Variants in ATF6B observed in about 807,000 individuals in gnomAD.
The protein encoded by ATF6B is activating transcription factor 6 beta.
ATF6B carries 50 observed loss-of-function variants against 83.5 expected under a neutral mutation model. That is an observed-to-expected ratio of 0.60 (90% CI 0.48 to 0.76). ATF6B has a LOEUF of 0.76. ATF6B is among the 30% of genes least tolerant of loss of function. The pLI is 0.00. For synonymous variants in ATF6B, 344 were observed against 362.8 expected (o/e 0.95, Z 0.59); for missense variants, 790 against 893.8 (o/e 0.88, Z 1.48).
chr6:32,116,761 T>A lies in ATF6B; in HGVS notation c.1740A>T (p.Ala580=). The change falls in exon 16 of 18, where the codon GCA becomes GCT. Residue 580 remains alanine, a synonymous_variant. Transcript: ENST00000375203. This position sits in a 1 kb window ranked among gnomAD's most constrained non-coding sequence, Gnocchi z 5.1. The part of the protein sequence containing the change: ...LYRHPDRSQP[A]FLDAIDRRED... ...CCCGTCGGTCAATTGCATCCAAGAATGCTGGCTGCGAACGGTCTGGGTGGC... is the reference window on the plus strand; with the variant it reads ...CCCGTCGGTCAATTGCATCCAAGAAAGCTGGCTGCGAACGGTCTGGGTGGC... 6.2e-7 allele frequency: 1 copy of A among 1,614,130 alleles called. No homozygotes were observed. The highest frequency in any genetic ancestry group is 8.5e-7 in the Non-Finnish European group (1 of 1,180,022).
intron 5 of ATF6B, among the ~76,000 whole-genome samples, chr6:32,121,559 G>A (rs1043380195): frequency 2.0e-5 from 3 of 152,048 alleles, no homozygotes; most frequent in African/African-American, 7.2e-5. Context: ...AAAATTAGTC[G>A]GGCATGGTGG....
chr6:32,127,595 T>C lies in ATF6B; in HGVS notation c.172-75A>G, dbSNP rs1782037294. The C allele has an allele frequency of 2.5e-6, 4 of 1,610,774 alleles. No homozygotes were observed. The South Asian group carries it at 4.4e-5, about 18-fold the overall frequency. On this transcript the variant is annotated intron_variant, in intron 2 of 17. Coordinates refer to ENST00000375203, the MANE Select transcript of ATF6B (RefSeq NM_004381.5). The stretch of plus-strand genomic sequence containing the variant: ...AGTAGGGGTGACTCCAGATGAGTTA[T>C]GGCCTGTGAATGGGTCCAGGTTCTG...
Position 32,119,085 on chromosome 6 carries a change from C to G in ATF6B, c.1023G>C (p.Gln341His), listed in dbSNP as rs1781650260. 1.2e-6 allele frequency: 2 copies of G among 1,613,482 alleles called. No individual in the cohort carries two copies. The highest frequency in any genetic ancestry group is 2.2e-5 in the East Asian group (1 of 44,886). Residue 341 changes from glutamine (Q) to histidine (H), a missense_variant, in exon 10 of 18, where the codon CAG becomes CAC. Gln to His is a conservative substitution (Grantham distance 24, BLOSUM62 0). Transcript: ENST00000375203. The surrounding 1 kb of genome is among the most constrained non-coding windows in gnomAD (Gnocchi z 4.9). The stretch of plus-strand genomic sequence containing the variant: ...GATACTCTTTCTTCTTTCTCCGGGA[C>G]TGGCAGGCTGACTCCCGGTTCTTGA... ...RMIKNRESACQSRRKKKEYLQ... is the reference protein window; with the variant it reads ...RMIKNRESACHSRRKKKEYLQ...
rs755289912 is a variant in ATF6B, at chr6:32,127,105, C to T, written c.340G>A (p.Glu114Lys). The T allele has an allele frequency of 5.6e-6, 9 of 1,594,824 alleles. No individual in the cohort carries two copies. The highest frequency in any genetic ancestry group is 6.0e-6 in the Non-Finnish European group (7 of 1,170,758). ...TAAGAGGGATATGGCTCTCTCACCTCGCTGGATGGCTCTGTGGAGAGACGC... is the reference window on the plus strand; with the variant it reads ...TAAGAGGGATATGGCTCTCTCACCTTGCTGGATGGCTCTGTGGAGAGACGC... ...SSRLSTEPSSEALGVGEVLHV... is the reference protein window; with the variant it reads ...SSRLSTEPSSKALGVGEVLHV... Residue 114 changes from glutamate to lysine, a missense_variant and splice_region_variant, in exon 4 of 18, where the codon GAG becomes AAG. Physicochemically the swap from Glu to Lys is moderately conservative, Grantham distance 56. Around this residue, in one of 3 missense-constraint regions of ATF6B, gnomAD observed 253 missense variants for 243.1 expected, o/e 1.04. Transcript: ENST00000375203.
In ATF6B at chr6:32,128,211, T is replaced by TCTCCCC; in HGVS notation, c.-5_-4insGGGGAG. 1 of 1,536,886 alleles carries TCTCCCC rather than the reference T, an allele frequency of 6.5e-7. No individual in the cohort carries two copies. The highest frequency in any genetic ancestry group is 8.8e-7 in the Non-Finnish European group (1 of 1,131,490). ...TGAGCAGCATCAGCTCCGCCATCTT[T>TCTCCCC]CCCCCCCACCCCCCAACCAGGAGAC... On this transcript the variant is annotated 5_prime_UTR_variant, in exon 1 of 18. Transcript: ENST00000375203.
intron 8 of ATF6B, 145 bp downstream of exon 8, chr6:32,120,626 T>C: frequency 9.8e-7 from 1 of 1,024,292 alleles, no homozygotes; most frequent in Non-Finnish European, 1.3e-6. Flanking sequence ...AATTTTTGTA[T>C]TTTTAGTAGA....
Position 32,126,271 on chromosome 6 carries a change from G to A in ATF6B, c.343-19C>T. On this transcript the variant is annotated intron_variant, in intron 4 of 17. Coordinates refer to ENST00000375203, the MANE Select transcript of ATF6B (RefSeq NM_004381.5). ...CAAGAGCCTGGGTGAGAGTTGGTGTGGGGCAGGGGGCAGAAAGAAGGGCAA... is the reference window on the plus strand; with the variant it reads ...CAAGAGCCTGGGTGAGAGTTGGTGTAGGGCAGGGGGCAGAAAGAAGGGCAA... The A allele has an allele frequency of 2.5e-6, 4 of 1,611,304 alleles. No homozygotes were observed. The highest frequency in any genetic ancestry group is 3.4e-6 in the Non-Finnish European group (4 of 1,178,624).
Position 32,115,891 on chromosome 6 carries a change from C to T in ATF6B, c.1960G>A (p.Val654Met). ...ACTGTGGAGGTCTTGATGTGAATCA[C>T]CCTGGTGTCCATGACCTCACACTCG... ...QIECEVMDTR[V>M]IHIKTSTVPP... Residue 654 changes from valine (V) to methionine (M), a missense_variant, in exon 18 of 18, where the codon GTG becomes ATG. Physicochemically the swap from Val to Met is conservative, Grantham distance 21. This residue lies in a region of ATF6B where 530 missense variants were observed against 632.6 expected (regional missense o/e 0.84). Coordinates refer to ENST00000375203, the MANE Select transcript of ATF6B (RefSeq NM_004381.5). The T allele has an allele frequency of 6.2e-7, 1 of 1,614,158 alleles. No homozygotes were observed. Among genetic ancestry groups the T allele is most frequent in the Non-Finnish European group, 8.5e-7 (1 of 1,180,020 alleles).
At position 32,117,478 on chromosome 6, in the gene ATF6B, G is replaced by A; in HGVS notation, c.1533-74C>T. 12 of 1,595,844 alleles carry A rather than the reference G, an allele frequency of 7.5e-6. No homozygotes were observed. Among genetic ancestry groups the A allele is most frequent in the Non-Finnish European group, 9.4e-6 (11 of 1,167,102 alleles). On this transcript the variant is annotated intron_variant, in intron 13 of 17. Coordinates refer to ENST00000375203, the MANE Select transcript of ATF6B (RefSeq NM_004381.5). This position sits in a 1 kb window ranked among gnomAD's most constrained non-coding sequence, Gnocchi z 5.0. Reference sequence around the variant, plus strand: ...ACCCTCCTTGCCCACCCACAGGAGTGAGGAGAGGGCAGGGAGCACTGGCGC... The same window carrying A: ...ACCCTCCTTGCCCACCCACAGGAGTAAGGAGAGGGCAGGGAGCACTGGCGC...
Position 32,127,690 on chromosome 6 carries a change from C to G in ATF6B, c.152G>C (p.Cys51Ser). 6.2e-7 allele frequency: 1 copy of G among 1,614,178 alleles called. No homozygotes were observed. Among genetic ancestry groups the G allele is most frequent in the Non-Finnish European group, 8.5e-7 (1 of 1,180,022 alleles). Residue 51 changes from cysteine (C) to serine (S), a missense_variant, in exon 2 of 18, where the codon TGC (cysteine) becomes TCC (serine). By Grantham distance (112) the Cys-to-Ser change is moderately radical (BLOSUM62 -1). Coordinates refer to ENST00000375203, the MANE Select transcript of ATF6B (RefSeq NM_004381.5). ...CAATACCGGGACATCCTGCTCCGGG[C>G]AACGGAAGAGCTGCGTCTGCTCCTC... ...VAEEQTQLFR[C>S]PEQDVPFDGS...
In ATF6B at chr6:32,117,881, G is replaced by C. The variant is rs35104800; in HGVS notation, c.1402C>G (p.Pro468Ala). 2.4e-4 allele frequency: 381 copies of C among 1,572,126 alleles called. 3 individuals are homozygous for C. The highest frequency in any genetic ancestry group is 1.1e-3 in the Admixed American group (60 of 53,304). The change falls in exon 12 of 18, where the codon CCC becomes GCC. Residue 468 changes from proline (P) to alanine (A), a missense_variant. Transcript: ENST00000375203. This position sits in a 1 kb window ranked among gnomAD's most constrained non-coding sequence, Gnocchi z 5.0. ...CACCTGAAACTGGGCTGGTCTGTGGGGCTGGGCTGGGGCTCCTTAGGGCCC... is the reference window on the plus strand; with the variant it reads ...CACCTGAAACTGGGCTGGTCTGTGGCGCTGGGCTGGGGCTCCTTAGGGCCC... ...SQGPKEPQPSPTDQPSFSNLT... is the reference protein window; with the variant it reads ...SQGPKEPQPSATDQPSFSNLT...
In ATF6B at chr6:32,126,128, T is replaced by C. The variant is rs1781967693; in HGVS notation, c.467A>G (p.Asp156Gly). The C allele has an allele frequency of 6.2e-7, 1 of 1,614,150 alleles. No homozygotes were observed. The highest frequency in any genetic ancestry group is 8.5e-7 in the Non-Finnish European group (1 of 1,180,028). The change falls in exon 5 of 18, where the codon GAT (aspartate) becomes GGT (glycine). Residue 156 changes from aspartate (D) to glycine (G), a missense_variant. Coordinates refer to ENST00000375203, the MANE Select transcript of ATF6B (RefSeq NM_004381.5). The stretch of plus-strand genomic sequence containing the variant: ...GGCTGTTTTATTACCTGAGGAATCA[T>C]CAGAGGTGGGGATAACGTTGATCTG... ...TVQINVIPTS[D>G]DSSDVQTKIE...
chr6:32,127,061 G>C (rs1782008833), intron 4 of ATF6B, 42 bp downstream of exon 4: 1 of 1,441,054 alleles, frequency 6.9e-7, no homozygotes, highest in African/African-American at 1.4e-5. Context: ...GAATGAAGCA[G>C]AGTCCCCGTC....
rs1251643338 is a variant in ATF6B, at chr6:32,127,164, G to C, written c.281C>G (p.Pro94Arg). 3 of 1,612,138 alleles carry C rather than the reference G, an allele frequency of 1.9e-6. No individual in the cohort carries two copies. The highest frequency in any genetic ancestry group is 1.3e-5 in the African/African-American group (1 of 75,010). ...GGAGCTGAGGGAGGAGGAAGAGCAG[G>C]GGGAAGATGGCTCAGACTTCACCTG... ...DLQVKSEPSS[P>R]CSSSSLSSES... The change falls in exon 4 of 18, where the codon CCC becomes CGC. Residue 94 changes from proline (P) to arginine (R), a missense_variant. Coordinates refer to ENST00000375203, the MANE Select transcript of ATF6B (RefSeq NM_004381.5).
In ATF6B at chr6:32,119,575, T is replaced by C. The variant is rs1334050594; in HGVS notation, c.966+249A>G. Among the ~76,000 whole-genome samples the C allele has an allele frequency of 6.6e-6, 1 of 152,122 alleles. No homozygotes were observed. The highest frequency in any genetic ancestry group is 1.5e-5 in the Non-Finnish European group (1 of 68,012). ...TACAGTACGACTTCCTTGCCTTTAATTTATGGAGACCAACCCCATTTCTCC... is the reference window on the plus strand; with the variant it reads ...TACAGTACGACTTCCTTGCCTTTAACTTATGGAGACCAACCCCATTTCTCC... On this transcript the variant is annotated intron_variant, in intron 9 of 17. Transcript: ENST00000375203. The surrounding 1 kb of genome is among the most constrained non-coding windows in gnomAD (Gnocchi z 4.9).
In ATF6B at chr6:32,118,560, C is replaced by G. The variant is rs546511829; in HGVS notation, c.1244+215G>C. 1.3e-5 allele frequency among the ~76,000 whole-genome samples: 2 copies of G among 152,298 alleles called. No individual in the cohort carries two copies. The highest frequency in any genetic ancestry group is 4.1e-4 in the South Asian group (2 of 4,828). ...GCAGTGAGCCGAGATCGTGCCACTG[C>G]ACTCCAGCCTGGGCAACAGAACAAG... On this transcript the variant is annotated intron_variant, in intron 11 of 17. Coordinates refer to ENST00000375203, the MANE Select transcript of ATF6B (RefSeq NM_004381.5). The surrounding 1 kb of genome is among the most constrained non-coding windows in gnomAD (Gnocchi z 5.2).
Position 32,117,087 on chromosome 6 carries a change from C to T in ATF6B, c.1635G>A (p.Lys545=), listed in dbSNP as rs1475398513. The T allele has an allele frequency of 6.2e-7, 1 of 1,613,960 alleles. No individual in the cohort carries two copies. Among genetic ancestry groups the T allele is most frequent in the Non-Finnish European group, 8.5e-7 (1 of 1,179,992 alleles). Residue 545 remains lysine, a synonymous_variant, in exon 15 of 18, where the codon AAG becomes AAA. Transcript: ENST00000375203. This position sits in a 1 kb window ranked among gnomAD's most constrained non-coding sequence, Gnocchi z 5.0. ...QERQKSQPRK[K]SPPVKAVPIQ... ...TGGGGACTGCCTTAACTGGAGGTGA[C>T]TTCTTCCGTGGCTGAGACTTCTGGA...
In ATF6B at chr6:32,115,873, A is replaced by C. The variant is rs1173623895; in HGVS notation, c.1978T>G (p.Ser660Ala). 6.2e-7 allele frequency: 1 copy of C among 1,613,944 alleles called. No individual in the cohort carries two copies. Among genetic ancestry groups the C allele is most frequent in the African/African-American group, 1.3e-5 (1 of 74,898 alleles). ...TTTCGGAGCGAGGGGGGCACTGTGG[A>C]GGTCTTGATGTGAATCACCCTGGTG... ...MDTRVIHIKT[S>A]TVPPSLRKQP... Residue 660 changes from serine (S) to alanine (A), a missense_variant, in exon 18 of 18, where the codon TCC becomes GCC. Around this residue, in one of 3 missense-constraint regions of ATF6B, gnomAD observed 530 missense variants for 632.6 expected, o/e 0.84. Transcript: ENST00000375203.
Position 32,115,794 on chromosome 6 carries a change from G to A in ATF6B, c.2057C>T (p.Ala686Val), listed in dbSNP as rs757183875. ...NATGGPLPVS[A>V]ASQAHQASHQ... Reference sequence around the variant, plus strand: ...GGAGGCCTGGTGGGCCTGGCTGGCTGCAGAGACTGGCAAGGGGCCACCTGT... The same window carrying A: ...GGAGGCCTGGTGGGCCTGGCTGGCTACAGAGACTGGCAAGGGGCCACCTGT... The change falls in exon 18 of 18, where the codon GCA becomes GTA. Residue 686 changes from alanine (A) to valine (V), a missense_variant. By Grantham distance (64) the Ala-to-Val change is moderately conservative (BLOSUM62 0). Around this residue, in one of 3 missense-constraint regions of ATF6B, gnomAD observed 530 missense variants for 632.6 expected, o/e 0.84. Coordinates refer to ENST00000375203, the MANE Select transcript of ATF6B (RefSeq NM_004381.5). The A allele has an allele frequency of 8.7e-5, 140 of 1,613,094 alleles. No homozygotes were observed. Among genetic ancestry groups the A allele is most frequent in the Non-Finnish European group, 1.2e-4 (137 of 1,179,574 alleles).
Sources: allele counts gnomAD v4.1 joint callset (sites outside exome capture counted in the v4.1 genomes callset), GRCh38; gene constraint gnomAD v4.1.1; regional missense constraint gnomAD v4.1.1; non-coding constraint Gnocchi (gnomAD v3.1); transcripts MANE v1.5; gene names NCBI Gene and HGNC (gene_info 2026-07-23, HGNC 2026-07-21).